Variants in MPP4 observed in about 807,000 individuals in gnomAD.
The protein encoded by MPP4 is MAGUK p55 subfamily member 4.
MPP4 carries 91 observed loss-of-function variants against 98.3 expected under a neutral mutation model. That is an observed-to-expected ratio of 0.93 (90% CI 0.78 to 1.10). The LOEUF (loss-of-function observed/expected upper bound fraction) is 1.10, where lower values mean the gene tolerates loss of function less well. MPP4 is among the 50% of genes least tolerant of loss of function. MPP4 has a pLI of 0.00. For synonymous variants in MPP4, 261 were observed against 271.8 expected (o/e 0.96, Z 0.39); for missense variants, 744 against 792.9 (o/e 0.94, Z 0.74).
At chr2:201,676,539 T>C (rs1000961193) in intron 10 of MPP4, among the ~76,000 whole-genome samples, 2 of 152,220 alleles carry the variant, frequency 1.3e-5, no homozygotes, top group African/African-American at 2.4e-5. Context: ...AGCATGGACA[T>C]GCAGGGCATT....
intron 14 of MPP4, among the ~76,000 whole-genome samples, chr2:201,660,610 AG>A (rs1212676290): frequency 2.0e-5 from 3 of 152,162 alleles, no homozygotes; most frequent in Admixed American, 2.0e-4. Flanking sequence ...TTTTTAACTC[AG>A]GAAGACTCTA....
At chr2:201,677,428 A>G (rs553272549) in intron 10 of MPP4, among the ~76,000 whole-genome samples, 1 of 152,244 alleles carries the variant, frequency 6.6e-6, no homozygotes, top group South Asian at 2.1e-4. Context: ...ATTATTTTCC[A>G]CCAATATGCC....
intron 1 of MPP4, among the ~76,000 whole-genome samples, chr2:201,696,107 G>A (rs139027855): frequency 3.9e-5 from 6 of 152,244 alleles, no homozygotes; most frequent in Non-Finnish European, 8.8e-5. Context: ...AACACAGAAA[G>A]CTGTTACAGC....
In MPP4 at chr2:201,660,342, T is replaced by G. The variant is rs1687989784; in HGVS notation, c.1077A>C (p.Glu359Asp). 1 of 1,613,142 alleles carries G rather than the reference T, an allele frequency of 6.2e-7. No individual in the cohort carries two copies. The highest frequency in any genetic ancestry group is 8.5e-7 in the Non-Finnish European group (1 of 1,179,218). ...EADEETFESE[E>D]LSEDKEEFVG... Reference sequence around the variant, plus strand: ...AATAAAAACAATTACCTTCTGAAAGTTCCTCTGGATATTTGGGTAAGTGCA... The same window carrying G: ...AATAAAAACAATTACCTTCTGAAAGGTCCTCTGGATATTTGGGTAAGTGCA... Residue 359 changes from glutamate to aspartate, a missense_variant, in exon 15 of 22, where the codon GAA (glutamate) becomes GAC (aspartate). Glu to Asp is a conservative substitution (Grantham distance 45, BLOSUM62 2). Coordinates refer to ENST00000409474, the MANE Select transcript of MPP4 (RefSeq NM_033066.3).
chr2:201,673,219 A>G (rs1025634321), intron 11 of MPP4, among the ~76,000 whole-genome samples: 2 of 152,226 alleles, frequency 1.3e-5, no homozygotes, highest in Non-Finnish European at 1.5e-5. Flanking sequence ...AACGTATCTC[A>G]AAATAATAAG....
In MPP4 at chr2:201,645,249, T is replaced by TAA. The variant is rs1272243766; in HGVS notation, c.1874_1875insTT (p.Pro626TyrfsTer23). The stretch of plus-strand genomic sequence containing the variant: ...TATCTGAGGAAATCCATGTTGCTGG[T>TAA]ACCCACTGAGGCTCCTCCTGAGCCT... On this transcript the variant is annotated frameshift_variant, in exon 22 of 22. Coordinates refer to ENST00000409474, the MANE Select transcript of MPP4 (RefSeq NM_033066.3). LOFTEE classifies it high-confidence loss of function. The TAA allele has an allele frequency of 4.1e-5, 66 of 1,613,702 alleles. No homozygotes were observed. Among genetic ancestry groups the TAA allele is most frequent in the Non-Finnish European group, 5.2e-5 (61 of 1,179,776 alleles).
chr2:201,660,377 A>G, intron 14 of MPP4, 31 bp from the exon 15 acceptor site: 1 of 1,612,922 alleles, frequency 6.2e-7, no homozygotes, highest in Non-Finnish European at 8.5e-7. Context: ...AGAAACAGAC[A>G]TGAAAAAGTT....
In MPP4 at chr2:201,645,371, G is replaced by C. The variant is rs763683055; in HGVS notation, c.1753C>G (p.Gln585Glu). ...TGGCCAAACTGAGTTTCCATTCTTT[G>C]GGCTAAATTTTCCATCTCTTGTAGG... ...EDLQEMENLA[Q>E]RMETQFGQFF... The change falls in exon 22 of 22, where the codon CAA (glutamine) becomes GAA (glutamate). Residue 585 changes from glutamine (Q) to glutamate (E), a missense_variant. Gln to Glu is a conservative substitution (Grantham distance 29). Coordinates refer to ENST00000409474, the MANE Select transcript of MPP4 (RefSeq NM_033066.3). 5.6e-6 allele frequency: 9 copies of C among 1,613,858 alleles called. No homozygotes were observed. In the African/African-American group the frequency reaches 8.0e-5, roughly 14 times the overall value.
intron 13 of MPP4, chr2:201,665,283 G>C (rs1688145558): frequency 6.6e-6 from 1 of 151,834 alleles, no homozygotes; most frequent in African/African-American, 2.4e-5. Flanking sequence ...TGTTAGGCAG[G>C]ATGGTCTGCA....
intron 1 of MPP4, among the ~76,000 whole-genome samples, chr2:201,696,880 C>A (rs1383508523): frequency 2.0e-5 from 3 of 152,192 alleles, no homozygotes; most frequent in Non-Finnish European, 2.9e-5. Context: ...TATGCAAATT[C>A]TAAAAACTGT....
intron 8 of MPP4, 112 bp from the exon 9 acceptor site, chr2:201,681,679 A>G (rs1688670329): frequency 1.3e-6 from 1 of 793,462 alleles, no homozygotes; most frequent in Admixed American, 2.2e-5. Context: ...AAAATCCCCC[A>G]AGAGCCTTTC....
chr2:201,645,477 C>A, intron 21 of MPP4, 73 bp from the exon 22 acceptor site: 1 of 1,249,356 alleles, frequency 8.0e-7, no homozygotes, highest in South Asian at 1.8e-5. Context: ...GTTTGTTATG[C>A]TGTCACATTC....
intron 20 of MPP4, among the ~76,000 whole-genome samples, chr2:201,649,121 A>G (rs1687648219): frequency 6.6e-6 from 1 of 152,002 alleles, no homozygotes; most frequent in Admixed American, 6.6e-5. Flanking sequence ...CGAAGAAAAT[A>G]CAAAGTTCAT....
At chr2:201,654,985 C>A in intron 17 of MPP4, 68 bp from the exon 18 acceptor site, 3 of 996,918 alleles carry the variant, frequency 3.0e-6, no homozygotes, top group Non-Finnish European at 4.4e-6. Flanking sequence ...ATGGAATTAT[C>A]ATTTTAGTCC....
chr2:201,669,088 T>TTGTGTGTG (rs770178008), intron 12 of MPP4, among the ~76,000 whole-genome samples: 40 of 141,676 alleles, frequency 2.8e-4, no homozygotes, highest in African/African-American at 1.0e-3. Context: ...GCATCTTGCT[T>TTGTGTGTG]TGTGTGTGTG....
At chr2:201,676,400 T>TC (rs1348532934) in intron 10 of MPP4, among the ~76,000 whole-genome samples, 1 of 152,158 alleles carries the variant, frequency 6.6e-6, no homozygotes. Flanking sequence ...CAGGCATGCT[T>TC]CCCCTCCTTA....
intron 14 of MPP4, among the ~76,000 whole-genome samples, chr2:201,663,726 A>C (rs1025089566): frequency 6.6e-6 from 1 of 152,024 alleles, no homozygotes; most frequent in Non-Finnish European, 1.5e-5. Context: ...CAAAATAAAT[A>C]AATAAATTAG....
At chr2:201,659,828 C>T (rs940367948) in intron 15 of MPP4, among the ~76,000 whole-genome samples, 3 of 152,020 alleles carry the variant, frequency 2.0e-5, no homozygotes, top group Non-Finnish European at 2.9e-5. Flanking sequence ...AGAGAGACTT[C>T]GTCTCAAATA....
At position 201,696,503 on chromosome 2, in the gene MPP4, G is replaced by A. The variant is rs1419886420; in HGVS notation, c.-101+2084C>T. Reference sequence around the variant, plus strand: ...GCACCTCACAAATCACACGTCCTTGGCAAAGCAGTGCAGATTAAACAAGCC... The same window carrying A: ...GCACCTCACAAATCACACGTCCTTGACAAAGCAGTGCAGATTAAACAAGCC... On this transcript the variant is annotated intron_variant, in intron 1 of 21. Coordinates refer to ENST00000409474, the MANE Select transcript of MPP4 (RefSeq NM_033066.3). 2.0e-5 allele frequency among the ~76,000 whole-genome samples: 3 copies of A among 152,136 alleles called. No individual in the cohort carries two copies. The East Asian group carries it at 5.8e-4, about 29-fold the overall frequency.
Sources: allele counts gnomAD v4.1 joint callset (sites outside exome capture counted in the v4.1 genomes callset), GRCh38; gene constraint gnomAD v4.1.1; transcripts MANE v1.5; gene names NCBI Gene and HGNC (gene_info 2026-07-23, HGNC 2026-07-21).